Variants in TMEFF2 observed in about 807,000 individuals in gnomAD.
The protein encoded by TMEFF2 is transmembrane protein with EGF like and two follistatin like domains 2, also known as tomoregulin-2.
TMEFF2 carries 28 observed loss-of-function variants against 53.8 expected under a neutral mutation model. That is an observed-to-expected ratio of 0.52 (90% confidence interval 0.39 to 0.71). The LOEUF is 0.71. Ranked by LOEUF, TMEFF2 falls within the 30% of genes least tolerant of loss-of-function variation. The pLI, the probability that TMEFF2 is intolerant of heterozygous loss-of-function variation, is 0.00. For missense variants in TMEFF2, 353 were observed against 455.2 expected, an observed-to-expected ratio of 0.78 and a Z score of 2.04; for synonymous variants, 162 against 166.3, an observed-to-expected ratio of 0.97 and a Z score of 0.20.
intron 4 of TMEFF2, among the ~76,000 whole-genome samples, chr2:192,100,464 C>T (rs1300968475): frequency 2.0e-5 from 3 of 152,128 alleles, no homozygotes; most frequent in Non-Finnish European, 4.4e-5. Flanking sequence ...TTAACCTTAT[C>T]GAACAAAGGC....
intron 7 of TMEFF2, among the ~76,000 whole-genome samples, chr2:191,965,064 C>T (rs911379723): frequency 6.6e-6 from 1 of 152,156 alleles, no homozygotes; most frequent in African/African-American, 2.4e-5. Context: ...GAGAGCTCAT[C>T]ATCACCCAAG....
At chr2:192,069,695 C>A (rs1688242020) in intron 4 of TMEFF2, among the ~76,000 whole-genome samples, 1 of 151,602 alleles carries the variant, frequency 6.6e-6, no homozygotes, top group South Asian at 2.1e-4. Flanking sequence ...AAAAAAATTG[C>A]ATGAGTTTTA....
chr2:192,014,688 G>A (rs1686706525), intron 5 of TMEFF2, among the ~76,000 whole-genome samples: 1 of 152,090 alleles, frequency 6.6e-6, no homozygotes, highest in Non-Finnish European at 1.5e-5. Flanking sequence ...TCTGACTTCC[G>A]ATTATACTTG....
At chr2:192,125,215 C>G (rs1324967628) in intron 4 of TMEFF2, among the ~76,000 whole-genome samples, 1 of 152,158 alleles carries the variant, frequency 6.6e-6, no homozygotes, top group Admixed American at 6.5e-5. Flanking sequence ...CCCTTCTTAT[C>G]TTACATCTAA....
In TMEFF2 at chr2:192,088,846, C is replaced by G. The variant is rs560262462; in HGVS notation, c.440-31071G>C. Among the ~76,000 whole-genome samples the G allele has an allele frequency of 1.5e-3, 233 of 152,212 alleles. 1 individual carries two copies. Among genetic ancestry groups the G allele is most frequent in the Non-Finnish European group, 2.5e-3 (173 of 68,018 alleles). ...TCTTAGCCTTTCACCTACCCTTGTCCCTTCTTACAGAAGTCTTTCTCTTCT... is the reference window on the plus strand; with the variant it reads ...TCTTAGCCTTTCACCTACCCTTGTCGCTTCTTACAGAAGTCTTTCTCTTCT... On this transcript the variant is annotated intron_variant, in intron 4 of 9. Transcript: ENST00000272771.
At chr2:191,950,971 T>C (rs1179075427) in intron 9 of TMEFF2, among the ~76,000 whole-genome samples, 1 of 152,166 alleles carries the variant, frequency 6.6e-6, no homozygotes, top group South Asian at 2.1e-4. Context: ...AAATCTAATA[T>C]TCAGTCAAAT....
At chr2:192,079,538 C>T (rs948583088) in intron 4 of TMEFF2, among the ~76,000 whole-genome samples, 33 of 152,200 alleles carry the variant, frequency 2.2e-4, no homozygotes, top group African/African-American at 7.0e-4. Context: ...TTCTGCAGGC[C>T]TAGACGGTCA....
At chr2:192,110,600 C>T (rs1016852571) in intron 4 of TMEFF2, among the ~76,000 whole-genome samples, 4 of 152,152 alleles carry the variant, frequency 2.6e-5, no homozygotes, top group African/African-American at 9.7e-5. Context: ...TTACCATATA[C>T]GAGCTTGTTA....
chr2:192,179,692 C>A lies in TMEFF2; in HGVS notation c.415G>T (p.Ala139Ser). Residue 139 changes from alanine (A) to serine (S), a missense_variant and splice_region_variant, in exon 4 of 10, where the codon GCA becomes TCA. This residue lies in a region of TMEFF2 where 294 missense variants were observed against 397.3 expected (regional missense o/e 0.74). Transcript: ENST00000272771. ...VVSEGSCATD[A>S]GSGSGDGVHE... ...CCTCCATCTCCAGATCCTGATCCTGCATCTGTGGGGGGAAAAGTTATATTT... is the reference window on the plus strand; with the variant it reads ...CCTCCATCTCCAGATCCTGATCCTGAATCTGTGGGGGGAAAAGTTATATTT... 1 of 1,520,490 alleles carries A rather than the reference C, an allele frequency of 6.6e-7. No individual in the cohort carries two copies. Among genetic ancestry groups the A allele is most frequent in the South Asian group, 1.4e-5 (1 of 71,508 alleles). The allele number at this position is 1,520,490 out of a possible 1,614,324, so 94.2% of individuals were successfully genotyped here.
chr2:192,148,487 C>G (rs1690306613), intron 4 of TMEFF2, among the ~76,000 whole-genome samples: 1 of 151,954 alleles, frequency 6.6e-6, no homozygotes, highest in African/African-American at 2.4e-5. Flanking sequence ...ATTTTGACAA[C>G]TGAAGAACAT....
At chr2:192,101,169 A>G (rs1290304400) in intron 4 of TMEFF2, among the ~76,000 whole-genome samples, 3 of 152,182 alleles carry the variant, frequency 2.0e-5, no homozygotes, top group Non-Finnish European at 1.5e-5. Flanking sequence ...TCAGCAGCTT[A>G]GCTAGTGAAA....
intron 4 of TMEFF2, among the ~76,000 whole-genome samples, chr2:192,146,003 G>A (rs1027219648): frequency 2.0e-5 from 3 of 151,980 alleles, no homozygotes; most frequent in African/African-American, 4.8e-5. Context: ...GTTAGCAGGT[G>A]AGGAAATAGA....
intron 7 of TMEFF2, among the ~76,000 whole-genome samples, chr2:191,965,161 C>G (rs1692435037): frequency 6.6e-6 from 1 of 152,130 alleles, no homozygotes; most frequent in Admixed American, 6.6e-5. Context: ...GAGGTGATCA[C>G]ACTTTTATGG....
intron 5 of TMEFF2, among the ~76,000 whole-genome samples, chr2:192,057,070 G>A (rs891259632): frequency 2.0e-5 from 3 of 152,116 alleles, no homozygotes; most frequent in African/African-American, 7.2e-5. Context: ...TTGAGATAAA[G>A]TCTCACTCTG....
chr2:192,032,733 T>C (rs1015692908), intron 5 of TMEFF2: 3 of 152,204 alleles, frequency 2.0e-5, no homozygotes, highest in Admixed American at 6.6e-5. Flanking sequence ...CCTTCACTTA[T>C]CAGCCATAGG....
chr2:192,192,026 T>C, intron 1 of TMEFF2, 37 bp from the exon 2 acceptor site: 1 of 1,405,720 alleles, frequency 7.1e-7, no homozygotes, highest in Non-Finnish European at 1.0e-6. Context: ...CATTAAAACA[T>C]CTTACAGATT....
Position 191,964,328 on chromosome 2 carries a change from CT to C in TMEFF2, c.746-7951del, listed in dbSNP as rs1223651070. On this transcript the variant is annotated intron_variant, in intron 7 of 9. Transcript: ENST00000272771. ...CCTTCTTTCTTTCCTTCCTTCCTTTCTTTCCTTCTTTCTTTCTTTCTTTCTT... is the reference window on the plus strand; with the variant it reads ...CCTTCTTTCTTTCCTTCCTTCCTTTCTTCCTTCTTTCTTTCTTTCTTTCTT... Among the ~76,000 whole-genome samples, 552 of 109,286 alleles carry C rather than the reference CT, an allele frequency of 5.1e-3. 7 individuals carry two copies. Among genetic ancestry groups the C allele is most frequent in the African/African-American group, 0.023 (528 of 22,878 alleles). 71.7% of individuals were successfully genotyped at this position (109,286 alleles called of 152,430 possible).
At position 192,092,585 on chromosome 2, in the gene TMEFF2, C is replaced by G. The variant is rs1472028182; in HGVS notation, c.440-34810G>C. Among the ~76,000 whole-genome samples, 10 of 152,256 alleles carry G rather than the reference C, an allele frequency of 6.6e-5. No individual in the cohort carries two copies. In the East Asian group the frequency reaches 1.9e-3, roughly 29 times the overall value. On this transcript the variant is annotated intron_variant, in intron 4 of 9. Coordinates refer to ENST00000272771, the MANE Select transcript of TMEFF2 (RefSeq NM_016192.4). ...ATGGCCTCTCAAAGATGGCCACATC[C>G]TAATCCCCAGAATCTATAAATATGT... is the stretch of plus-strand genomic sequence containing the variant.
Position 192,022,375 on chromosome 2 carries a change from A to G in TMEFF2, c.537-23167T>C, listed in dbSNP as rs370875331. On this transcript the variant is annotated intron_variant, in intron 5 of 9. Coordinates refer to ENST00000272771, the MANE Select transcript of TMEFF2 (RefSeq NM_016192.4). Reference sequence around the variant, plus strand: ...TCTGGTTTGTCCTTGACTCACATTCAACTTTTCTTCCTGATTAATAACCCT... The same window carrying G: ...TCTGGTTTGTCCTTGACTCACATTCGACTTTTCTTCCTGATTAATAACCCT... Among the ~76,000 whole-genome samples, 63 of 152,290 alleles carry G rather than the reference A, an allele frequency of 4.1e-4. No homozygotes were observed. The East Asian group carries it at 0.01, about 24-fold the overall frequency.
Sources: gnomAD v4.1 joint callset for allele counts (sites outside exome capture counted in the v4.1 genomes callset) on GRCh38, gnomAD v4.1.1 for gene constraint, gnomAD v4.1.1 regional missense constraint, MANE v1.5 for transcripts, NCBI Gene and HGNC (gene_info 2026-07-23, HGNC 2026-07-21) for gene names.